The following AGBL4 variants were observed in gnomAD, a reference collection of about 807,000 sequenced individuals.
The protein encoded by AGBL4 is AGBL carboxypeptidase 4.
In AGBL4, 58 loss-of-function variants were observed where a neutral mutation model predicts 66.4. The observed-to-expected ratio is 0.87, with a 90% CI of 0.71 to 1.09. AGBL4 has a LOEUF of 1.09. Ranked by LOEUF, AGBL4 falls within the 50% of genes least tolerant of loss-of-function variation. The pLI is 0.00. For missense variants in AGBL4, 579 were observed against 631.0 expected, an observed-to-expected ratio of 0.92 and a Z score of 0.88; for synonymous variants, 234 against 222.9, an observed-to-expected ratio of 1.05 and a Z score of -0.44.
At chr1:49,308,184 C>G (rs1278814503) in intron 3 of AGBL4, among the ~76,000 whole-genome samples, 1 of 152,080 alleles carries the variant, frequency 6.6e-6, no homozygotes, top group African/African-American at 2.4e-5. Context: ...AATTGTGAAC[C>G]AATTAAATCT....
chr1:48,768,106 A>G (rs1644619709), intron 6 of AGBL4, among the ~76,000 whole-genome samples: 1 of 152,202 alleles, frequency 6.6e-6, no homozygotes, highest in African/African-American at 2.4e-5. Context: ...CTATCACCTA[A>G]TTATCCTACA....
rs764529760 is a variant in AGBL4 at position 48,986,704 on chromosome 1, A to G, written c.594+58880T>C. On this transcript the variant is annotated intron_variant, in intron 5 of 13. Coordinates refer to ENST00000371839, the MANE Select transcript of AGBL4 (RefSeq NM_032785.4). ...AATTATGCCAGATGGAAATATGGAT[A>G]CCAGATGGAAATATGTATCTACCAC... Among the ~76,000 whole-genome samples, 21 of 152,244 alleles carry G rather than the reference A, an allele frequency of 1.4e-4. No individual in the cohort carries two copies. The South Asian group carries it at 1.5e-3, about 11-fold the overall frequency.
intron 11 of AGBL4, among the ~76,000 whole-genome samples, chr1:48,575,628 G>A (rs1371680103): frequency 6.6e-6 from 1 of 152,124 alleles, no homozygotes; most frequent in South Asian, 2.1e-4. Flanking sequence ...TCTGGACTGG[G>A]CACAACTAGT....
intron 3 of AGBL4, among the ~76,000 whole-genome samples, chr1:49,281,266 A>G (rs1177603356): frequency 2.0e-5 from 3 of 152,214 alleles, no homozygotes; most frequent in Non-Finnish European, 1.5e-5. Flanking sequence ...AGTACGAAAA[A>G]ATTAATTACT....
chr1:49,753,774 T>G (rs1183701395), intron 2 of AGBL4, among the ~76,000 whole-genome samples: 1 of 152,196 alleles, frequency 6.6e-6, no homozygotes, highest in Non-Finnish European at 1.5e-5. Flanking sequence ...TTCCTTTTCA[T>G]TCTTTTTTCT....
At position 49,076,318 on chromosome 1, in the gene AGBL4, C is replaced by T. The variant is rs1004540299; in HGVS notation, c.378-30518G>A. On this transcript the variant is annotated intron_variant, in intron 4 of 13. Coordinates refer to ENST00000371839, the MANE Select transcript of AGBL4 (RefSeq NM_032785.4). ...ACACATCCTCCTATATATTTTAAAT[C>T]ATTTCAAGATTACTTGTAATACCTA... Among the ~76,000 whole-genome samples, 7 of 152,254 alleles carry T rather than the reference C, an allele frequency of 4.6e-5. No homozygotes were observed. In the South Asian group the frequency reaches 1.2e-3, roughly 27 times the overall value.
intron 5 of AGBL4, among the ~76,000 whole-genome samples, chr1:48,970,757 T>C (rs1041472934): frequency 2.0e-5 from 3 of 152,100 alleles, no homozygotes; most frequent in African/African-American, 7.2e-5. Context: ...GCGACACATA[T>C]GTGGGGTAGT....
intron 3 of AGBL4, among the ~76,000 whole-genome samples, chr1:49,410,268 A>C (rs1384360394): frequency 3.3e-5 from 5 of 152,192 alleles, no homozygotes; most frequent in African/African-American, 1.2e-4. Context: ...ACCCGTATGC[A>C]GAAATCTATT....
chr1:48,593,930 G>A (rs1199626906), intron 9 of AGBL4, among the ~76,000 whole-genome samples: 2 of 152,192 alleles, frequency 1.3e-5, no homozygotes, highest in African/African-American at 2.4e-5. Flanking sequence ...TTGCCAATTT[G>A]ATGGGTGAAA....
At chr1:49,567,525 G>A (rs1427259779) in intron 3 of AGBL4, among the ~76,000 whole-genome samples, 1 of 152,108 alleles carries the variant, frequency 6.6e-6, no homozygotes, top group Non-Finnish European at 1.5e-5. Context: ...TATAATAAAA[G>A]TATAGTAATT....
chr1:49,186,849 A>G (rs2148197708), intron 4 of AGBL4, among the ~76,000 whole-genome samples: 1 of 152,294 alleles, frequency 6.6e-6, no homozygotes, highest in African/African-American at 2.4e-5. Flanking sequence ...TGGTTGAAAC[A>G]CACAGGTTGA....
At chr1:48,740,358 AT>A (rs1302009389) in intron 6 of AGBL4, among the ~76,000 whole-genome samples, 1 of 152,208 alleles carries the variant, frequency 6.6e-6, no homozygotes, top group Non-Finnish European at 1.5e-5. Context: ...CTAACCTGTT[AT>A]GTAATTATAG....
intron 4 of AGBL4, among the ~76,000 whole-genome samples, chr1:49,211,282 C>T (rs565766617): frequency 6.6e-6 from 1 of 152,186 alleles, no homozygotes; most frequent in South Asian, 2.1e-4. Context: ...TTTAGAAAGA[C>T]AGTTCTCATT....
chr1:48,652,743 T>A (rs999891709), intron 8 of AGBL4, among the ~76,000 whole-genome samples: 5 of 152,114 alleles, frequency 3.3e-5, no homozygotes, highest in African/African-American at 1.2e-4. Flanking sequence ...GGCAGTGGAA[T>A]TTTAGGCTGT....
intron 3 of AGBL4, among the ~76,000 whole-genome samples, chr1:49,460,140 T>C (rs1283617469): frequency 6.6e-6 from 1 of 151,488 alleles, no homozygotes; most frequent in Non-Finnish European, 1.5e-5. Context: ...ATTTGTTTCT[T>C]TGTTGACTTT....
chr1:49,248,253 T>A (rs937154540), intron 3 of AGBL4, among the ~76,000 whole-genome samples: 2 of 152,238 alleles, frequency 1.3e-5, no homozygotes, highest in African/African-American at 4.8e-5. Flanking sequence ...ATATTCTGAA[T>A]TAAACACTTC....
Position 49,968,891 on chromosome 1 carries a change from C to T in AGBL4, c.34+54872G>A, listed in dbSNP as rs552782569. On this transcript the variant is annotated intron_variant, in intron 1 of 13. Coordinates refer to ENST00000371839, the MANE Select transcript of AGBL4 (RefSeq NM_032785.4). ...GTATAACTAGCTCTGAGCTACCTAA[C>T]TCTAGACTTCTTTTACATTAGAGAG... is the stretch of plus-strand genomic sequence containing the variant. 3.0e-4 allele frequency among the ~76,000 whole-genome samples: 45 copies of T among 152,338 alleles called. No individual in the cohort carries two copies. The South Asian group carries it at 5.8e-3, about 20-fold the overall frequency.
chr1:49,645,975 C>G (rs1042844574), intron 3 of AGBL4, among the ~76,000 whole-genome samples: 1 of 151,508 alleles, frequency 6.6e-6, no homozygotes, highest in Non-Finnish European at 1.5e-5. Flanking sequence ...TATCCAACAT[C>G]AGTTCCTCAT....
At position 48,623,861 on chromosome 1, in the gene AGBL4, G is replaced by A. The variant is rs1325880111; in HGVS notation, c.951+10632C>T. ...GAGTGGGTTAACTGGAAAAGTTCCT[G>A]GAAGAGATGACCTGGGGTAAACTGG... On this transcript the variant is annotated intron_variant, in intron 9 of 13. Transcript: ENST00000371839. Among the ~76,000 whole-genome samples, 7 of 152,300 alleles carry A rather than the reference G, an allele frequency of 4.6e-5. No homozygotes were observed. The East Asian group carries it at 9.6e-4, about 21-fold the overall frequency.
Sources: allele counts gnomAD v4.1 joint callset (sites outside exome capture counted in the v4.1 genomes callset), GRCh38; gene constraint gnomAD v4.1.1; transcripts MANE v1.5; gene names NCBI Gene and HGNC (gene_info 2026-07-23, HGNC 2026-07-21).